MBOAT1: variants seen among roughly 807,000 people sequenced by gnomAD.
MBOAT1 encodes the protein membrane bound glycerophospholipid O-acyltransferase 1, also known as membrane-bound glycerophospholipid O-acyltransferase 1.
Under a neutral mutation model 64.4 loss-of-function variants are expected in MBOAT1, and 67 were observed. The observed-to-expected ratio is 1.04, with a 90% CI of 0.85 to 1.27. The LOEUF (loss-of-function observed/expected upper bound fraction) is 1.27. Ranked by LOEUF, MBOAT1 falls within the 50% of genes most tolerant of loss-of-function variation. The pLI is 0.00. For missense variants in MBOAT1, 563 were observed against 604.6 expected, an observed-to-expected ratio of 0.93 and a Z score of 0.72; for synonymous variants, 229 against 218.9, an observed-to-expected ratio of 1.05 and a Z score of -0.41.
intron 1 of MBOAT1, among the ~76,000 whole-genome samples, chr6:20,169,553 T>C (rs1733897104): frequency 6.6e-6 from 1 of 151,466 alleles, no homozygotes; most frequent in Non-Finnish European, 1.5e-5. Flanking sequence ...TGTGTGTATA[T>C]TAAAAAGGAA....
chr6:20,177,118 A>G (rs1457893368), intron 1 of MBOAT1, among the ~76,000 whole-genome samples: 2 of 152,216 alleles, frequency 1.3e-5, no homozygotes, highest in Non-Finnish European at 2.9e-5. Context: ...AAACAGCACT[A>G]AAGACCTCCC....
intron 1 of MBOAT1, among the ~76,000 whole-genome samples, chr6:20,172,907 G>A (rs1762241169): frequency 6.6e-6 from 1 of 151,952 alleles, no homozygotes; most frequent in South Asian, 2.1e-4. Context: ...TTGGAGGTGG[G>A]GCCTGGTGGG....
chr6:20,131,696 T>C (rs982333648), intron 4 of MBOAT1, among the ~76,000 whole-genome samples: 4 of 152,216 alleles, frequency 2.6e-5, no homozygotes, highest in African/African-American at 9.7e-5. Context: ...TTAAATAAAA[T>C]AGAAAAATAA....
In MBOAT1 at chr6:20,152,345, ATAAAT is replaced by A. The variant is rs1341891459; in HGVS notation, c.245+274_245+278del. Among the ~76,000 whole-genome samples the A allele has an allele frequency of 6.6e-3, 210 of 31,640 alleles. 2 individuals are homozygous for A. Among genetic ancestry groups the A allele is most frequent in the African/African-American group, 0.012 (202 of 16,824 alleles). The allele number at this position is 31,640 out of a possible 152,430, so 20.8% of individuals were successfully genotyped here. A position where few individuals can be genotyped will look rare whatever the true frequency, so the allele number is the denominator to read the frequency against. On this transcript the variant is annotated intron_variant, in intron 2 of 12. Coordinates refer to ENST00000324607, the MANE Select transcript of MBOAT1 (RefSeq NM_001080480.3). ...CCGTCTCAAAAAAAAAAAATAAAAA[ATAAAT>A]AAATAAATAAATAAATTAATTAATT...
chr6:20,151,091 A>G, intron 3 of MBOAT1, 94 bp downstream of exon 3: 3 of 889,680 alleles, frequency 3.4e-6, no homozygotes, highest in Non-Finnish European at 5.4e-6. Flanking sequence ...ACTTGTGGAA[A>G]ATGGGTAAGG....
chr6:20,182,221 G>A (rs181062218), intron 1 of MBOAT1, among the ~76,000 whole-genome samples: 62 of 152,222 alleles, frequency 4.1e-4, no homozygotes, highest in Non-Finnish European at 7.6e-4. Flanking sequence ...CCAGAGGCTG[G>A]GAAGTCCAAG....
Position 20,131,184 on chromosome 6 carries a change from G to A in MBOAT1, c.435C>T (p.Val145=). ...TTDFSGPLMI[V]TQKITTLAFQ... is the part of the protein sequence containing the mutation. ...ATGCCAAGGTTGTGATCTTCTGAGT[G>A]ACAATCATCAGAGGCCTGGAAGGAA... Residue 145 remains valine, a synonymous_variant, in exon 5 of 13, where the codon GTC becomes GTT. Coordinates refer to ENST00000324607, the MANE Select transcript of MBOAT1 (RefSeq NM_001080480.3). 6.2e-7 allele frequency: 1 copy of A among 1,613,880 alleles called. No homozygotes were observed. The highest frequency in any genetic ancestry group is 8.5e-7 in the Non-Finnish European group (1 of 1,179,772).
At chr6:20,134,373 T>C (rs1214701185) in intron 4 of MBOAT1, among the ~76,000 whole-genome samples, 1 of 151,816 alleles carries the variant, frequency 6.6e-6, no homozygotes, top group African/African-American at 2.4e-5. Context: ...AGATGTCCTT[T>C]TTATAGAAAA....
At chr6:20,178,925 T>C (rs979299272) in intron 1 of MBOAT1, among the ~76,000 whole-genome samples, 4 of 150,242 alleles carry the variant, frequency 2.7e-5, no homozygotes, top group African/African-American at 7.5e-5. Context: ...ATAAATGTTT[T>C]TAATGGGTTT....
chr6:20,115,271 G>C lies in MBOAT1; in HGVS notation c.1076+17C>G. ...TCCCAGTGCCCTAAGTAATGAGGTCGTTTTTGTTTTTCTTACCACTTTAGC... is the reference window on the plus strand; with the variant it reads ...TCCCAGTGCCCTAAGTAATGAGGTCCTTTTTGTTTTTCTTACCACTTTAGC... On this transcript the variant is annotated intron_variant, in intron 10 of 12. Coordinates refer to ENST00000324607, the MANE Select transcript of MBOAT1 (RefSeq NM_001080480.3). The C allele has an allele frequency of 6.2e-7, 1 of 1,602,622 alleles. No individual in the cohort carries two copies. Among genetic ancestry groups the C allele is most frequent in the Non-Finnish European group, 8.6e-7 (1 of 1,169,542 alleles).
At chr6:20,114,314 TAGG>T (rs1760257287) in intron 10 of MBOAT1, among the ~76,000 whole-genome samples, 1 of 152,220 alleles carries the variant, frequency 6.6e-6, no homozygotes, top group Non-Finnish European at 1.5e-5. Flanking sequence ...GGCATATCAC[TAGG>T]TAGAAGAGCT....
chr6:20,161,232 G>A (rs528275512), intron 1 of MBOAT1, among the ~76,000 whole-genome samples: 53 of 151,826 alleles, frequency 3.5e-4, no homozygotes, highest in Non-Finnish European at 7.5e-4. Flanking sequence ...TATAAGAATC[G>A]AATGCCTTAC....
chr6:20,118,437 C>A lies in MBOAT1; in HGVS notation c.1011G>T (p.Glu337Asp). The A allele has an allele frequency of 6.2e-7, 1 of 1,612,816 alleles. No individual in the cohort carries two copies. The highest frequency in any genetic ancestry group is 1.3e-5 in the African/African-American group (1 of 75,016). ...LLSNLNIWKI[E>D]TATSFKMYLE... Reference sequence around the variant, plus strand: ...GTTGGACTTAAAAGCATACACTCACCTCAATTTTCCAGATGTTTAGGTTCG... The same window carrying A: ...GTTGGACTTAAAAGCATACACTCACATCAATTTTCCAGATGTTTAGGTTCG... The change falls in exon 9 of 13, where the codon GAG becomes GAT. Residue 337 changes from glutamate to aspartate, a missense_variant and splice_region_variant. Transcript: ENST00000324607.
chr6:20,139,994 T>C (rs909366426), intron 4 of MBOAT1, among the ~76,000 whole-genome samples: 3 of 152,206 alleles, frequency 2.0e-5, no homozygotes, highest in Non-Finnish European at 1.5e-5. Context: ...AATGAGCCTT[T>C]GACACAGGAC....
intron 4 of MBOAT1, among the ~76,000 whole-genome samples, chr6:20,143,763 T>C (rs923027064): frequency 6.6e-6 from 1 of 152,050 alleles, no homozygotes; most frequent in East Asian, 1.9e-4. Flanking sequence ...TTTAAAAAGT[T>C]TAAAAAAAGA....
chr6:20,192,591 T>C (rs936483183), intron 1 of MBOAT1, among the ~76,000 whole-genome samples: 1 of 152,204 alleles, frequency 6.6e-6, no homozygotes, highest in Non-Finnish European at 1.5e-5. Context: ...GCTGTAACAA[T>C]GAAACCTTTT....
chr6:20,121,904 T>A (rs936624065), intron 8 of MBOAT1, among the ~76,000 whole-genome samples: 8 of 152,102 alleles, frequency 5.3e-5, no homozygotes, highest in African/African-American at 1.9e-4. Flanking sequence ...GTGGCTCATG[T>A]CTGTAATCTC....
intron 1 of MBOAT1, among the ~76,000 whole-genome samples, chr6:20,173,664 G>C (rs913975741): frequency 1.6e-4 from 24 of 152,128 alleles, no homozygotes; most frequent in Admixed American, 1.3e-4. Flanking sequence ...GTTTAAATAA[G>C]ACAGGGCCAG....
intron 1 of MBOAT1, among the ~76,000 whole-genome samples, chr6:20,176,284 T>TA (rs5874754): frequency 0.43 from 63,236 of 148,526 alleles, 14,208 homozygotes; most frequent in Non-Finnish European, 0.52. Context: ...ACCCTGTCTT[T>TA]AAAAAAAAAA....
Sources: gnomAD v4.1 joint callset for allele counts (sites outside exome capture counted in the v4.1 genomes callset) on GRCh38, gnomAD v4.1.1 for gene constraint, MANE v1.5 for transcripts, NCBI Gene and HGNC (gene_info 2026-07-23, HGNC 2026-07-21) for gene names.